CCDC85C: variants seen among roughly 807,000 people sequenced by gnomAD.
CCDC85C encodes the protein coiled-coil domain containing 85C, also known as coiled-coil domain-containing protein 85C.
In CCDC85C, 18 loss-of-function variants were observed where a neutral mutation model predicts 38.3. The observed-to-expected ratio is 0.47, with a 90% CI of 0.33 to 0.70. The LOEUF is 0.70. CCDC85C is among the 30% of genes least tolerant of loss of function. The pLI is 0.03. For synonymous variants in CCDC85C, 264 were observed against 293.8 expected, an observed-to-expected ratio of 0.90 and a Z score of 1.04; for missense variants, 566 against 621.2, an observed-to-expected ratio of 0.91 and a Z score of 0.94.
At position 99,545,938 on chromosome 14, in the gene CCDC85C, C is replaced by T. The variant is rs978905980; in HGVS notation, c.794-9850G>A. Among the ~76,000 whole-genome samples the T allele has an allele frequency of 1.3e-5, 2 of 152,030 alleles. No individual in the cohort carries two copies. The highest frequency in any genetic ancestry group is 2.4e-5 in the African/African-American group (1 of 41,380). ...TCATCCAACTCCCAGCCTCCAACTC[C>T]GAGGGACCCTTTACCCTCCTGCCCC... is the stretch of plus-strand genomic sequence containing the variant. On this transcript the variant is annotated intron_variant, in intron 1 of 5. Coordinates refer to ENST00000380243, the MANE Select transcript of CCDC85C (RefSeq NM_001144995.2). The surrounding 1 kb of genome is among the most constrained non-coding windows in gnomAD (Gnocchi z 4.7).
rs563999265 is a variant in CCDC85C at position 99,522,069 on chromosome 14, C to T, written c.975+64G>A. ...TCCTTGTGCCCCTCCGGGCAGGTCA[C>T]TGGCCCGCCTGAGCCTCAGCCCCTC... is the stretch of plus-strand genomic sequence containing the variant. On this transcript the variant is annotated intron_variant, in intron 3 of 5. Transcript: ENST00000380243. 1.1e-5 allele frequency: 15 copies of T among 1,323,324 alleles called. No individual in the cohort carries two copies. In the East Asian group the frequency reaches 3.8e-4, roughly 33 times the overall value. 82.0% of individuals were successfully genotyped at this position (1,323,324 alleles called of 1,614,324 possible).
chr14:99,507,005 A>G lies in CCDC85C; in HGVS notation c.*8241T>C, dbSNP rs1351443196. Reference sequence around the variant, plus strand: ...CTCCCAAAGAAATCTCTGCCAGTACATTTTTCTTTATGACATGCTTATTCA... The same window carrying G: ...CTCCCAAAGAAATCTCTGCCAGTACGTTTTTCTTTATGACATGCTTATTCA... On this transcript the variant is annotated 3_prime_UTR_variant, in exon 6 of 6. Transcript: ENST00000380243. 15 of 935,852 alleles carry G rather than the reference A, an allele frequency of 1.6e-5. No homozygotes were observed. In the East Asian group the frequency reaches 3.1e-4, roughly 19 times the overall value. The allele number at this position is 935,852 out of a possible 1,614,324, so 58.0% of individuals were successfully genotyped here.
intron 1 of CCDC85C, among the ~76,000 whole-genome samples, chr14:99,577,785 T>C (rs375765928): frequency 3.5e-5 from 5 of 141,874 alleles, no homozygotes; most frequent in East Asian, 4.6e-4. Context: ...GCCCGTCCTG[T>C]ATCCCCCATC....
chr14:99,534,769 C>A, intron 2 of CCDC85C: 1 of 701,294 alleles, frequency 1.4e-6, no homozygotes, highest in Non-Finnish European at 2.6e-6. Flanking sequence ...CCCAGCCCCT[C>A]CTGCCCTCAC....
In CCDC85C at chr14:99,516,726, G is replaced by A. The variant is rs770585488; in HGVS notation, c.1071+362C>T. Among the ~76,000 whole-genome samples the A allele has an allele frequency of 6.6e-6, 1 of 152,096 alleles. No homozygotes were observed. Among genetic ancestry groups the A allele is most frequent in the East Asian group, 1.9e-4 (1 of 5,192 alleles). ...CAGGTGTGCACAGCCTGGAGGAACCGGAGCCCATCGGACTCACCAGTCTGC... is the reference window on the plus strand; with the variant it reads ...CAGGTGTGCACAGCCTGGAGGAACCAGAGCCCATCGGACTCACCAGTCTGC... On this transcript the variant is annotated intron_variant, in intron 4 of 5. Transcript: ENST00000380243. This position sits in a 1 kb window ranked among gnomAD's most constrained non-coding sequence, Gnocchi z 5.5.
intron 1 of CCDC85C, among the ~76,000 whole-genome samples, chr14:99,556,341 C>T (rs1048383506): frequency 6.6e-6 from 1 of 152,166 alleles, no homozygotes; most frequent in Admixed American, 6.5e-5. Flanking sequence ...TCACTTGAGC[C>T]CTGTTGAGGT....
chr14:99,522,072 GC>G, intron 3 of CCDC85C, 60 bp downstream of exon 3: 2 of 1,343,624 alleles, frequency 1.5e-6, no homozygotes, highest in Non-Finnish European at 2.1e-6. Context: ...CAGGTCACTG[GC>G]CCGCCTGAGC....
intron 1 of CCDC85C, among the ~76,000 whole-genome samples, chr14:99,591,626 CA>C (rs2055088018): frequency 6.6e-6 from 1 of 152,092 alleles, no homozygotes; most frequent in South Asian, 2.1e-4. Flanking sequence ...GTCCTGGGGC[CA>C]CAACTCCAGG....
chr14:99,598,966 A>G (rs1278910667), intron 1 of CCDC85C, among the ~76,000 whole-genome samples: 3 of 152,264 alleles, frequency 2.0e-5, no homozygotes, highest in Middle Eastern at 6.8e-3. Context: ...CCAGCATCCC[A>G]AGGCCATTGA....
In CCDC85C at chr14:99,535,447, C is replaced by A. The variant is rs1053990281; in HGVS notation, c.867+568G>T. On this transcript the variant is annotated intron_variant, in intron 2 of 5. Coordinates refer to ENST00000380243, the MANE Select transcript of CCDC85C (RefSeq NM_001144995.2). This position sits in a 1 kb window ranked among gnomAD's most constrained non-coding sequence, Gnocchi z 5.5. ...GAAAGCCCTTGTCCTGGCAGTCACACGTCCCCTCCAAGCTCCAGCCACACT... is the reference window on the plus strand; with the variant it reads ...GAAAGCCCTTGTCCTGGCAGTCACAAGTCCCCTCCAAGCTCCAGCCACACT... 6.6e-6 allele frequency among the ~76,000 whole-genome samples: 1 copy of A among 152,146 alleles called. No homozygotes were observed. The highest frequency in any genetic ancestry group is 1.9e-4 in the East Asian group (1 of 5,182).
chr14:99,586,528 G>A (rs2055027588), intron 1 of CCDC85C, among the ~76,000 whole-genome samples: 1 of 152,216 alleles, frequency 6.6e-6, no homozygotes, highest in African/African-American at 2.4e-5. Context: ...CATGGATAGG[G>A]TGCATGTGAC....
intron 2 of CCDC85C, among the ~76,000 whole-genome samples, chr14:99,529,179 AT>A (rs1394048024): frequency 6.6e-6 from 1 of 151,948 alleles, no homozygotes; most frequent in Non-Finnish European, 1.5e-5. Flanking sequence ...TCCCCATGTC[AT>A]TTCACACCCG....
At chr14:99,524,831 C>T (rs1466494362) in intron 2 of CCDC85C, among the ~76,000 whole-genome samples, 1 of 152,058 alleles carries the variant, frequency 6.6e-6, no homozygotes, top group African/African-American at 2.4e-5. Context: ...CAGGGGGAGG[C>T]AGGGGGTCCA....
At chr14:99,575,139 C>A (rs1252701677) in intron 1 of CCDC85C, among the ~76,000 whole-genome samples, 3 of 152,228 alleles carry the variant, frequency 2.0e-5, no homozygotes, top group Non-Finnish European at 4.4e-5. Context: ...CTGGCCCTGC[C>A]CCCAGGATCC....
At chr14:99,577,636 G>C (rs1898509978) in intron 1 of CCDC85C, among the ~76,000 whole-genome samples, 1 of 152,008 alleles carries the variant, frequency 6.6e-6, no homozygotes, top group Non-Finnish European at 1.5e-5. Flanking sequence ...ATGTGTGTGT[G>C]CATGTATCCA....
intron 2 of CCDC85C, among the ~76,000 whole-genome samples, chr14:99,523,315 T>G (rs1417522743): frequency 6.6e-6 from 1 of 152,156 alleles, no homozygotes; most frequent in African/African-American, 2.4e-5. Flanking sequence ...ACACCCTGCT[T>G]GCCTCCCTCA....
chr14:99,513,431 C>T lies in CCDC85C; in HGVS notation c.*1815G>A, dbSNP rs1261869447. On this transcript the variant is annotated 3_prime_UTR_variant, in exon 6 of 6. Coordinates refer to ENST00000380243, the MANE Select transcript of CCDC85C (RefSeq NM_001144995.2). ...TAGTGACCGGGAGCGCACCACCTGACCGGGCGACACTCCTTCCCAAAGAGC... is the reference window on the plus strand; with the variant it reads ...TAGTGACCGGGAGCGCACCACCTGATCGGGCGACACTCCTTCCCAAAGAGC... The T allele has an allele frequency of 6.6e-6, 1 of 152,262 alleles. No homozygotes were observed. Among genetic ancestry groups the T allele is most frequent in the East Asian group, 1.9e-4 (1 of 5,192 alleles). 9.4% of individuals were successfully genotyped at this position (152,262 alleles called of 1,614,324 possible).
At position 99,513,686 on chromosome 14, in the gene CCDC85C, G is replaced by A. The variant is rs1032351499; in HGVS notation, c.*1560C>T. The A allele has an allele frequency of 1.3e-5, 2 of 152,390 alleles. No individual in the cohort carries two copies. The highest frequency in any genetic ancestry group is 4.8e-5 in the African/African-American group (2 of 41,580). The allele number at this position is 152,390 out of a possible 1,614,324, so 9.4% of individuals were successfully genotyped here. A position where few individuals can be genotyped will look rare whatever the true frequency, so the allele number is the denominator to read the frequency against. On this transcript the variant is annotated 3_prime_UTR_variant, in exon 6 of 6. Coordinates refer to ENST00000380243, the MANE Select transcript of CCDC85C (RefSeq NM_001144995.2). Reference sequence around the variant, plus strand: ...ATGAGACCTGCTGGGTAGGAAGACAGCCTCTCTGGGCTCTTCAGGTGGGGC... The same window carrying A: ...ATGAGACCTGCTGGGTAGGAAGACAACCTCTCTGGGCTCTTCAGGTGGGGC...
At chr14:99,564,109 C>T (rs564665488) in intron 1 of CCDC85C, among the ~76,000 whole-genome samples, 1 of 152,364 alleles carries the variant, frequency 6.6e-6, no homozygotes, top group African/African-American at 2.4e-5. Context: ...GACCAGATTA[C>T]GCTCCATAGA....
Sources: allele counts gnomAD v4.1 joint callset (sites outside exome capture counted in the v4.1 genomes callset), GRCh38; gene constraint gnomAD v4.1.1; non-coding constraint Gnocchi (gnomAD v3.1); transcripts MANE v1.5; gene names NCBI Gene and HGNC (gene_info 2026-07-23, HGNC 2026-07-21).